SGCZ: variants seen among roughly 807,000 people sequenced by gnomAD.
SGCZ encodes the protein zeta-sarcoglycan.
SGCZ carries 40 observed loss-of-function variants against 41.3 expected under a neutral mutation model. That is an observed-to-expected ratio of 0.97 (90% CI 0.75 to 1.26). The LOEUF is 1.26. SGCZ is among the 50% of genes most tolerant of loss of function. SGCZ has a pLI of 0.00. For synonymous variants in SGCZ, 206 were observed against 137.5 expected, an observed-to-expected ratio of 1.50 and a Z score of -3.49; for missense variants, 552 against 369.8, an observed-to-expected ratio of 1.49 and a Z score of -4.04.
At chr8:14,511,957 G>A (rs1802480031) in intron 2 of SGCZ, among the ~76,000 whole-genome samples, 1 of 152,032 alleles carries the variant, frequency 6.6e-6, no homozygotes, top group Admixed American at 6.6e-5. Context: ...AATAAAGGTT[G>A]GAAATAATAG....
At chr8:14,108,042 T>C in intron 6 of SGCZ, 121 bp downstream of exon 6, 1 of 812,206 alleles carries the variant, frequency 1.2e-6, no homozygotes, top group Non-Finnish European at 1.9e-6. Flanking sequence ...TATTCATTTT[T>C]GTATTTATTT....
intron 1 of SGCZ, among the ~76,000 whole-genome samples, chr8:14,811,909 A>C (rs1474807564): frequency 6.6e-6 from 1 of 151,986 alleles, no homozygotes; most frequent in Non-Finnish European, 1.5e-5. Flanking sequence ...TTGATTTTTA[A>C]GTAATTATAA....
At chr8:14,620,669 C>G (rs1806255079) in intron 1 of SGCZ, among the ~76,000 whole-genome samples, 1 of 152,158 alleles carries the variant, frequency 6.6e-6, no homozygotes, top group African/African-American at 2.4e-5. Context: ...ATTTCTGCAG[C>G]CAACAGACAC....
chr8:14,164,880 T>A (rs1002944958), intron 4 of SGCZ, 178 bp from the exon 5 acceptor site: 2 of 744,152 alleles, frequency 2.7e-6, no homozygotes, highest in Non-Finnish European at 4.2e-6. Context: ...AATTTGGGAA[T>A]GTACTTCTGT....
At chr8:14,853,050 T>C (rs1399576957) in intron 1 of SGCZ, among the ~76,000 whole-genome samples, 1 of 152,220 alleles carries the variant, frequency 6.6e-6, no homozygotes, top group East Asian at 1.9e-4. Flanking sequence ...AGAAAGTATA[T>C]TCCAATAGCG....
At chr8:14,509,485 T>A (rs1284005366) in intron 2 of SGCZ, among the ~76,000 whole-genome samples, 2 of 152,194 alleles carry the variant, frequency 1.3e-5, no homozygotes, top group East Asian at 3.9e-4. Flanking sequence ...CAAATTTATA[T>A]TAACTGATTA....
At chr8:15,057,704 A>G (rs1384979761) in intron 1 of SGCZ, among the ~76,000 whole-genome samples, 1 of 152,204 alleles carries the variant, frequency 6.6e-6, no homozygotes, top group East Asian at 1.9e-4. Context: ...GATGACAGCT[A>G]AATAATTAGT....
intron 1 of SGCZ, among the ~76,000 whole-genome samples, chr8:14,775,668 T>C (rs2130414525): frequency 6.6e-6 from 1 of 152,166 alleles, no homozygotes; most frequent in South Asian, 2.1e-4. Flanking sequence ...GAGAAGTAAG[T>C]GTGGTTTGGA....
At chr8:14,754,689 A>T (rs1316469006) in intron 1 of SGCZ, among the ~76,000 whole-genome samples, 1 of 152,160 alleles carries the variant, frequency 6.6e-6, no homozygotes, top group Admixed American at 6.5e-5. Flanking sequence ...AACCTCAGTA[A>T]TATGGTGCAT....
intron 1 of SGCZ, among the ~76,000 whole-genome samples, chr8:14,642,610 T>C (rs1229251217): frequency 6.6e-6 from 1 of 151,594 alleles, no homozygotes; most frequent in Non-Finnish European, 1.5e-5. Flanking sequence ...TTCTTCCAAA[T>C]GCTATGTTAA....
rs554605675 is a variant in SGCZ, at chr8:14,963,073, C to A, written c.39+274512G>T. Among the ~76,000 whole-genome samples the A allele has an allele frequency of 1.2e-4, 18 of 152,240 alleles. No individual in the cohort carries two copies. In the South Asian group the frequency reaches 2.9e-3, roughly 25 times the overall value. ...TTTGATTTCTGAATGAGATGACAAACAACCTTTCCATTGTATTTCTTTACT... is the reference window on the plus strand; with the variant it reads ...TTTGATTTCTGAATGAGATGACAAAAAACCTTTCCATTGTATTTCTTTACT... On this transcript the variant is annotated intron_variant, in intron 1 of 7. Coordinates refer to ENST00000382080, the MANE Select transcript of SGCZ (RefSeq NM_139167.4).
intron 1 of SGCZ, among the ~76,000 whole-genome samples, chr8:14,981,373 T>C (rs1801657591): frequency 6.6e-6 from 1 of 152,232 alleles, no homozygotes; most frequent in Non-Finnish European, 1.5e-5. Flanking sequence ...GAATTTAGAT[T>C]TGTTTTCACT....
intron 1 of SGCZ, among the ~76,000 whole-genome samples, chr8:14,713,933 G>A (rs1809603827): frequency 6.6e-6 from 1 of 151,950 alleles, no homozygotes; most frequent in African/African-American, 2.4e-5. Context: ...TTATAGAGAG[G>A]TAACTCCATT....
intron 7 of SGCZ, among the ~76,000 whole-genome samples, chr8:14,099,993 T>C (rs1460556495): frequency 6.6e-6 from 1 of 152,192 alleles, no homozygotes; most frequent in East Asian, 1.9e-4. Context: ...CCATGACTGA[T>C]ACTAAGTAGT....
intron 4 of SGCZ, among the ~76,000 whole-genome samples, chr8:14,220,852 T>A (rs1282527774): frequency 2.0e-5 from 3 of 152,078 alleles, no homozygotes; most frequent in Non-Finnish European, 2.9e-5. Context: ...TTCTACCATT[T>A]AAAGGTGTGG....
At chr8:14,822,156 T>A (rs1277597474) in intron 1 of SGCZ, among the ~76,000 whole-genome samples, 4 of 149,654 alleles carry the variant, frequency 2.7e-5, no homozygotes, top group Non-Finnish European at 4.4e-5. Flanking sequence ...GACACAAAAA[T>A]CAACATTCAA....
rs567239602 is a variant in SGCZ, at chr8:14,795,676, T to A, written c.40-240750A>T. Among the ~76,000 whole-genome samples the A allele has an allele frequency of 7.9e-4, 120 of 152,310 alleles. 1 individual carries two copies. Among genetic ancestry groups the A allele is most frequent in the African/African-American group, 2.7e-3 (114 of 41,568 alleles). On this transcript the variant is annotated intron_variant, in intron 1 of 7. Coordinates refer to ENST00000382080, the MANE Select transcript of SGCZ (RefSeq NM_139167.4). Reference sequence around the variant, plus strand: ...CAGACTTCTTTATTGTTTATTTTTTTAAACTTTCATTTCAAGTTCAGGGGT... The same window carrying A: ...CAGACTTCTTTATTGTTTATTTTTTAAAACTTTCATTTCAAGTTCAGGGGT...
intron 3 of SGCZ, among the ~76,000 whole-genome samples, chr8:14,286,159 T>A (rs1490987398): frequency 6.6e-6 from 1 of 152,092 alleles, no homozygotes; most frequent in Non-Finnish European, 1.5e-5. Flanking sequence ...CTATAATGAA[T>A]CCTTTGCTTC....
At chr8:15,016,955 T>G (rs1803062303) in intron 1 of SGCZ, among the ~76,000 whole-genome samples, 1 of 152,076 alleles carries the variant, frequency 6.6e-6, no homozygotes, top group South Asian at 2.1e-4. Flanking sequence ...AATCACTCAC[T>G]ACCCTCCAAG....
Sources: gnomAD v4.1 joint callset for allele counts (sites outside exome capture counted in the v4.1 genomes callset) on GRCh38, gnomAD v4.1.1 for gene constraint, MANE v1.5 for transcripts, NCBI Gene and HGNC (gene_info 2026-07-23, HGNC 2026-07-21) for gene names.